ADRA1A: variants seen among roughly 807,000 people sequenced by gnomAD.
ADRA1A encodes the protein alpha-1A adrenergic receptor.
A neutral mutation model predicts 29.6 loss-of-function variants in ADRA1A; 31 were observed. The ratio of observed to expected loss-of-function variants is 1.05; its 90% confidence interval spans 0.79 to 1.41. The LOEUF (loss-of-function observed/expected upper bound fraction) is 1.41. Ranked by LOEUF, ADRA1A falls within the 40% of genes most tolerant of loss-of-function variation. The pLI is 0.00. For missense variants in ADRA1A, 619 were observed against 601.1 expected (o/e 1.03, Z -0.31); for synonymous variants, 311 against 254.3 (o/e 1.22, Z -2.12).
intron 2 of ADRA1A, among the ~76,000 whole-genome samples, chr8:26,832,493 A>G (rs1355596264): frequency 2.6e-5 from 4 of 152,162 alleles, no homozygotes; most frequent in African/African-American, 4.8e-5. Flanking sequence ...AGAAAACTTA[A>G]TGAAAACACT....
At chr8:26,804,808 T>C (rs1808849521) in intron 2 of ADRA1A, among the ~76,000 whole-genome samples, 1 of 152,180 alleles carries the variant, frequency 6.6e-6, no homozygotes, top group African/African-American at 2.4e-5. Context: ...AATGAGATGG[T>C]GTGTGAAAAA....
Position 26,865,047 on chromosome 8 carries a change from C to G in ADRA1A, c.-78G>C. 1 of 1,517,602 alleles carries G rather than the reference C, an allele frequency of 6.6e-7. No homozygotes were observed. The highest frequency in any genetic ancestry group is 8.8e-7 in the Non-Finnish European group (1 of 1,142,272). 94.0% of individuals were successfully genotyped at this position (1,517,602 alleles called of 1,614,324 possible). A position where few individuals can be genotyped will look rare whatever the true frequency, so the allele number is the denominator to read the frequency against. ...TGGCGCGGAGGCGGGAGCGCGGGAG[C>G]CGGGAATCAAAAGGTCTCGGCTGGA... On this transcript the variant is annotated 5_prime_UTR_variant, in exon 2 of 3. Coordinates refer to ENST00000380573, the MANE Select transcript of ADRA1A (RefSeq NM_000680.4). The surrounding 1 kb of genome is among the most constrained non-coding windows in gnomAD (Gnocchi z 7.6).
chr8:26,772,998 G>A (rs1374684837), intron 2 of ADRA1A, among the ~76,000 whole-genome samples: 1 of 152,162 alleles, frequency 6.6e-6, no homozygotes, highest in Non-Finnish European at 1.5e-5. Flanking sequence ...TGCCTGATTT[G>A]AAACAGGCAA....
downstream of ADRA1A, among the ~76,000 whole-genome samples, chr8:26,753,629 C>T (rs866822594): frequency 3.3e-5 from 5 of 152,090 alleles, no homozygotes; most frequent in Admixed American, 1.3e-4. Flanking sequence ...TACTTACAAA[C>T]GGATAAATGA....
At chr8:26,765,912 T>C, downstream of ADRA1A, 1 of 1,460,590 alleles carries the variant, frequency 6.8e-7, no homozygotes, top group Non-Finnish European at 9.0e-7. Flanking sequence ...CTACCAGGTC[T>C]TAACCATGAA....
At position 26,867,047 on chromosome 8, in the gene ADRA1A, C is replaced by T. The variant is rs1211522259; in HGVS notation, c.-798G>A. 3 of 985,302 alleles carry T rather than the reference C, an allele frequency of 3.0e-6. No individual in the cohort carries two copies. The African/African-American group carries it at 5.2e-5, about 17-fold the overall frequency. 61.0% of individuals were successfully genotyped at this position (985,302 alleles called of 1,614,324 possible). A position where few individuals can be genotyped will look rare whatever the true frequency, so the allele number is the denominator to read the frequency against. The stretch of plus-strand genomic sequence containing the variant: ...TGGAGGCGGAGAGGGGACCGTGTCT[C>T]CGAGGCACCAAATCCTTGTCCTTTT... On this transcript the variant is annotated 5_prime_UTR_variant, in exon 1 of 3. Coordinates refer to ENST00000380573, the MANE Select transcript of ADRA1A (RefSeq NM_000680.4).
chr8:26,829,210 C>A (rs567862214), intron 2 of ADRA1A, among the ~76,000 whole-genome samples: 5 of 152,084 alleles, frequency 3.3e-5, no homozygotes, highest in African/African-American at 1.2e-4. Flanking sequence ...AAGCCAGGGT[C>A]TAGATAAATC....
chr8:26,795,749 G>A (rs1346290854), intron 2 of ADRA1A, among the ~76,000 whole-genome samples: 1 of 152,046 alleles, frequency 6.6e-6, no homozygotes, highest in Non-Finnish European at 1.5e-5. Context: ...AAGTCTAATA[G>A]CCAACTTGCA....
At chr8:26,758,186 T>C (rs1805302742) in intron 2 of ADRA1A, among the ~76,000 whole-genome samples, 2 of 152,176 alleles carry the variant, frequency 1.3e-5, no homozygotes, top group Non-Finnish European at 2.9e-5. Flanking sequence ...GCACCTTGAA[T>C]GTAGGAATGA....
downstream of ADRA1A, chr8:26,766,140 C>A (rs1805767512): frequency 6.2e-7 from 1 of 1,606,544 alleles, no homozygotes. Flanking sequence ...TATCTACAAT[C>A]CATTCCCCTC....
intron 2 of ADRA1A, among the ~76,000 whole-genome samples, chr8:26,820,340 A>T (rs1810069315): frequency 6.6e-6 from 1 of 152,246 alleles, no homozygotes; most frequent in Non-Finnish European, 1.5e-5. Flanking sequence ...CATATACTGG[A>T]CCACAGACAA....
intron 2 of ADRA1A, among the ~76,000 whole-genome samples, chr8:26,758,546 A>G (rs1805323345): frequency 6.6e-6 from 1 of 152,188 alleles, no homozygotes; most frequent in Non-Finnish European, 1.5e-5. Flanking sequence ...TGCTAATCCC[A>G]TTTCACAGGT....
intron 2 of ADRA1A, among the ~76,000 whole-genome samples, chr8:26,845,896 G>C (rs1409578196): frequency 6.6e-6 from 1 of 152,114 alleles, no homozygotes; most frequent in Non-Finnish European, 1.5e-5. Context: ...CATACAGATT[G>C]ATGGCTGCCA....
intron 2 of ADRA1A, chr8:26,854,478 C>T (rs1166649692): frequency 1.3e-5 from 2 of 148,666 alleles, no homozygotes; most frequent in African/African-American, 5.0e-5. Context: ...TGGGTGTAGT[C>T]AGTCCTTTCC....
chr8:26,867,048 C>A lies in ADRA1A; in HGVS notation c.-799G>T. ...GGAGGCGGAGAGGGGACCGTGTCTC[C>A]GAGGCACCAAATCCTTGTCCTTTTG... On this transcript the variant is annotated 5_prime_UTR_variant, in exon 1 of 3. Coordinates refer to ENST00000380573, the MANE Select transcript of ADRA1A (RefSeq NM_000680.4). 1.0e-6 allele frequency: 1 copy of A among 985,388 alleles called. No homozygotes were observed. Among genetic ancestry groups the A allele is most frequent in the Non-Finnish European group, 1.2e-6 (1 of 829,950 alleles). 61.0% of individuals were successfully genotyped at this position (985,388 alleles called of 1,614,324 possible). A position where few individuals can be genotyped will look rare whatever the true frequency, so the allele number is the denominator to read the frequency against.
chr8:26,779,201 G>T, intron 2 of ADRA1A: 1 of 656,822 alleles, frequency 1.5e-6, no homozygotes, highest in Admixed American at 2.2e-5. Flanking sequence ...CAAGATGGGA[G>T]CAGGAACCCA....
At chr8:26,846,832 A>T (rs1812238137) in intron 2 of ADRA1A, among the ~76,000 whole-genome samples, 1 of 152,202 alleles carries the variant, frequency 6.6e-6, no homozygotes, top group Non-Finnish European at 1.5e-5. Context: ...ATGTCCAACA[A>T]TGATAGACTG....
At chr8:26,790,995 C>T (rs1807776757) in intron 2 of ADRA1A, among the ~76,000 whole-genome samples, 1 of 152,130 alleles carries the variant, frequency 6.6e-6, no homozygotes, top group Non-Finnish European at 1.5e-5. Context: ...TGTACACACA[C>T]ATACACACAC....
intron 2 of ADRA1A, among the ~76,000 whole-genome samples, chr8:26,861,041 C>G (rs1813415881): frequency 6.6e-6 from 1 of 152,188 alleles, no homozygotes; most frequent in African/African-American, 2.4e-5. Context: ...CATCACTCCT[C>G]TGGACCTGTG....
Sources: gnomAD v4.1 joint callset for allele counts (sites outside exome capture counted in the v4.1 genomes callset) on GRCh38, gnomAD v4.1.1 for gene constraint, Gnocchi (gnomAD v3.1) non-coding constraint, MANE v1.5 for transcripts, NCBI Gene and HGNC (gene_info 2026-07-23, HGNC 2026-07-21) for gene names.